Variants in NPM2 observed in about 807,000 individuals in gnomAD.
NPM2 encodes nucleophosmin/nucleoplasmin 2.
Under a neutral mutation model 32.0 loss-of-function variants are expected in NPM2, and 25 were observed. The ratio of observed to expected loss-of-function variants is 0.78; its 90% CI spans 0.57 to 1.09. The LOEUF (loss-of-function observed/expected upper bound fraction) is 1.09. Among genes scored for constraint, NPM2 ranks in the 50% least tolerant of loss-of-function variants. The pLI, the probability that NPM2 is intolerant of heterozygous loss-of-function variation, is 0.00. For missense variants in NPM2, 282 were observed against 259.9 expected (o/e 1.08, Z -0.58); for synonymous variants, 111 against 94.2 (o/e 1.18, Z -1.04).
In NPM2 at chr8:22,034,509, GA is replaced by G. The variant is rs770540772; in HGVS notation, c.539del (p.Lys180SerfsTer9). 3.9e-5 allele frequency: 63 copies of G among 1,607,286 alleles called. No homozygotes were observed. Among genetic ancestry groups the G allele is most frequent in the Non-Finnish European group, 5.1e-5 (60 of 1,176,416 alleles). ...VPQKQASVAK[K>X]KKLEKEEEEI... The stretch of plus-strand genomic sequence containing the variant: ...ATAATACACTGTTTTTTGGTTCCCA[GA>G]AAAAAAAGCTGGAAAAAGAAGAAGA... On this transcript the variant is annotated frameshift_variant and splice_region_variant, in exon 8 of 10. Transcript: ENST00000518119. LOFTEE classifies it high-confidence loss of function.
intron 5 of NPM2, among the ~76,000 whole-genome samples, chr8:22,026,485 C>G (rs1418412177): frequency 9.3e-6 from 1 of 107,838 alleles, no homozygotes; most frequent in Non-Finnish European, 1.7e-5. Flanking sequence ...GATGGAGTTT[C>G]ACTCTGTCAC....
At chr8:22,036,605 A>G in intron 9 of NPM2, 33 bp from the exon 10 acceptor site, 2 of 1,554,348 alleles carry the variant, frequency 1.3e-6, no homozygotes, top group East Asian at 2.4e-5. Context: ...GGAGAAGGGA[A>G]CGGGACCCTG....
Position 22,036,520 on chromosome 8 carries a change from GA to G in NPM2, c.599del (p.Lys200ArgfsTer48). 2 of 1,601,668 alleles carry G rather than the reference GA, an allele frequency of 1.2e-6. No homozygotes were observed. Among genetic ancestry groups the G allele is most frequent in the Non-Finnish European group, 1.7e-6 (2 of 1,174,312 alleles). On this transcript the variant is annotated frameshift_variant, in exon 9 of 10. Coordinates refer to ENST00000518119, the MANE Select transcript of NPM2 (RefSeq NM_001286680.2). LOFTEE classifies it low-confidence loss of function (END_TRUNC). ...RASVRDKSPV[K>X]KAKATARAKK... is the part of the protein sequence containing the mutation. ...CCAGCGTTAGAGACAAGAGCCCTGT[GA>G]AAAAGGTGAGTAGGACCAGAGGGCT... is the stretch of plus-strand genomic sequence containing the variant.
At chr8:22,031,017 C>A (rs747673633) in intron 5 of NPM2, among the ~76,000 whole-genome samples, 18 of 152,116 alleles carry the variant, frequency 1.2e-4, no homozygotes, top group Non-Finnish European at 2.5e-4. Context: ...TTCGATGTGG[C>A]CTGAGTTTGG....
chr8:22,028,485 AT>A (rs34390285), intron 5 of NPM2, among the ~76,000 whole-genome samples: 25 of 139,288 alleles, frequency 1.8e-4, no homozygotes, highest in Admixed American at 2.2e-4. Context: ...TGCCCAGCTG[AT>A]TTTTTTTTTT....
chr8:22,025,575 C>G, intron 4 of NPM2, 54 bp downstream of exon 4: 3 of 1,613,518 alleles, frequency 1.9e-6, no homozygotes, highest in Non-Finnish European at 2.5e-6. Context: ...TTTCTGGTCC[C>G]AACGGAGGGC....
rs747951538 is a variant in NPM2, at chr8:22,025,340, C to T, written c.58+34C>T. On this transcript the variant is annotated intron_variant, in intron 3 of 9. Transcript: ENST00000518119. ...GGACTCAGGCTCCTTCCCAGAGACA[C>T]GCCCCACCTCCGGTGCGCGGCAGCT... 4.4e-6 allele frequency: 7 copies of T among 1,599,960 alleles called. No individual in the cohort carries two copies. In the South Asian group the frequency reaches 7.8e-5, roughly 18 times the overall value.
chr8:22,025,203 G>A lies in NPM2; in HGVS notation c.-33-13G>A. 2.5e-6 allele frequency: 4 copies of A among 1,594,920 alleles called. No individual in the cohort carries two copies. The highest frequency in any genetic ancestry group is 1.3e-5 in the African/African-American group (1 of 74,104). On this transcript the variant is annotated splice_polypyrimidine_tract_variant and intron_variant, in intron 2 of 9. Coordinates refer to ENST00000518119, the MANE Select transcript of NPM2 (RefSeq NM_001286680.2). ...TCAGGGAGCAAGGCCTCACGCGGGC[G>A]CCCTCCTTGCAGCTGCCCGGCCAGC...
In NPM2 at chr8:22,033,217, CG is replaced by C. The variant is rs1008936694; in HGVS notation, c.359del (p.Arg120LeufsTer7). The C allele has an allele frequency of 1.2e-6, 2 of 1,613,568 alleles. No individual in the cohort carries two copies. The highest frequency in any genetic ancestry group is 8.5e-7 in the Non-Finnish European group (1 of 1,179,710). ...SGPVFLSGQE[R>X]YEASDLTWEE... ...ACCCGTGTTCCTCAGTGGCCAGGAA[CG>C]TTATGGTAAGTCAGAGCCTGCGATC... On this transcript the variant is annotated frameshift_variant, in exon 6 of 10. Coordinates refer to ENST00000518119, the MANE Select transcript of NPM2 (RefSeq NM_001286680.2). LOFTEE classifies it high-confidence loss of function.
At position 22,025,194 on chromosome 8, in the gene NPM2, C is replaced by A. The variant is rs1049530326; in HGVS notation, c.-33-22C>A. On this transcript the variant is annotated intron_variant, in intron 2 of 9. Coordinates refer to ENST00000518119, the MANE Select transcript of NPM2 (RefSeq NM_001286680.2). Reference sequence around the variant, plus strand: ...GGGTCAGGGTCAGGGAGCAAGGCCTCACGCGGGCGCCCTCCTTGCAGCTGC... The same window carrying A: ...GGGTCAGGGTCAGGGAGCAAGGCCTAACGCGGGCGCCCTCCTTGCAGCTGC... The A allele has an allele frequency of 6.9e-6, 11 of 1,586,446 alleles. No homozygotes were observed. In the African/African-American group the frequency reaches 1.4e-4, roughly 20 times the overall value.
At chr8:22,034,577 T>G in intron 8 of NPM2, 33 bp downstream of exon 8, 2 of 1,554,000 alleles carry the variant, frequency 1.3e-6, no homozygotes, top group South Asian at 2.2e-5. Context: ...TTAGCCAAAG[T>G]CTCCAGCTGA....
chr8:22,036,104 C>A (rs1380460465), intron 8 of NPM2, among the ~76,000 whole-genome samples: 1 of 151,856 alleles, frequency 6.6e-6, no homozygotes, highest in Admixed American at 6.6e-5. Flanking sequence ...CATTTGTGGG[C>A]CAGGTGTGGT....
intron 5 of NPM2, among the ~76,000 whole-genome samples, chr8:22,028,334 CAAA>C (rs1318602498): frequency 7.0e-6 from 1 of 143,010 alleles, no homozygotes. Context: ...ACACAGCTGC[CAAA>C]AAGATTTTTT....
chr8:22,036,740 G>T lies in NPM2; in HGVS notation c.*58G>T. The T allele has an allele frequency of 4.0e-6, 6 of 1,492,252 alleles. No individual in the cohort carries two copies. Among genetic ancestry groups the T allele is most frequent in the Admixed American group, 2.6e-5 (1 of 38,938 alleles). The allele number at this position is 1,492,252 out of a possible 1,614,324, so 92.4% of individuals were successfully genotyped here. A position where few individuals can be genotyped will look rare whatever the true frequency, so the allele number is the denominator to read the frequency against. ...GGGCCTTCCCTGGGCTGTGCTGCAGGCACAGGGTGCCCCTGTCCAGCCCCT... is the reference window on the plus strand; with the variant it reads ...GGGCCTTCCCTGGGCTGTGCTGCAGTCACAGGGTGCCCCTGTCCAGCCCCT... On this transcript the variant is annotated 3_prime_UTR_variant, in exon 10 of 10. Coordinates refer to ENST00000518119, the MANE Select transcript of NPM2 (RefSeq NM_001286680.2).
intron 8 of NPM2, 77 bp from the exon 9 acceptor site, chr8:22,036,416 G>A (rs1207519928): frequency 4.1e-6 from 6 of 1,469,070 alleles, no homozygotes; most frequent in Admixed American, 2.2e-5. Flanking sequence ...GGCACTGGGA[G>A]GGCCACGCCG....
rs1800638244 is a variant in NPM2, at chr8:22,036,725, T to G, written c.*43T>G. On this transcript the variant is annotated 3_prime_UTR_variant, in exon 10 of 10. Coordinates refer to ENST00000518119, the MANE Select transcript of NPM2 (RefSeq NM_001286680.2). ...GGCACGGTGCAAAGTGGGCCTTCCC[T>G]GGGCTGTGCTGCAGGCACAGGGTGC... is the stretch of plus-strand genomic sequence containing the variant. The G allele has an allele frequency of 6.6e-7, 1 of 1,520,992 alleles. No homozygotes were observed. The highest frequency in any genetic ancestry group is 1.4e-5 in the African/African-American group (1 of 70,996). The allele number at this position is 1,520,992 out of a possible 1,614,324, so 94.2% of individuals were successfully genotyped here.
chr8:22,031,853 CT>C (rs1361774394), intron 5 of NPM2, among the ~76,000 whole-genome samples: 1 of 152,142 alleles, frequency 6.6e-6, no homozygotes, highest in Non-Finnish European at 1.5e-5. Flanking sequence ...TTTCTTTTTT[CT>C]TTTTTTCATT....
rs1456279544 is a variant in NPM2 at position 22,025,694 on chromosome 8, C to A, written c.192C>A (p.Ile64=). Residue 64 remains isoleucine (I), a synonymous_variant, in exon 5 of 10, where the codon ATC becomes ATA. Coordinates refer to ENST00000518119, the MANE Select transcript of NPM2 (RefSeq NM_001286680.2). ...AAGAGGAGATGCATCGCGTGGAGATCCTGCCCCCAGCAAACCAGGAGGACA... is the reference window on the plus strand; with the variant it reads ...AAGAGGAGATGCATCGCGTGGAGATACTGCCCCCAGCAAACCAGGAGGACA... The part of the protein sequence containing the change: ...KAKEEMHRVE[I]LPPANQEDKK... 22 of 1,614,038 alleles carry A rather than the reference C, an allele frequency of 1.4e-5. No homozygotes were observed. Among genetic ancestry groups the A allele is most frequent in the Non-Finnish European group, 1.9e-5 (22 of 1,180,016 alleles).
chr8:22,027,488 A>G (rs1327113751), intron 5 of NPM2, among the ~76,000 whole-genome samples: 1 of 152,198 alleles, frequency 6.6e-6, no homozygotes, highest in Non-Finnish European at 1.5e-5. Flanking sequence ...AAATATCCCA[A>G]ATTTAACATG....
Sources: gnomAD v4.1 joint callset for allele counts (sites outside exome capture counted in the v4.1 genomes callset) on GRCh38, gnomAD v4.1.1 for gene constraint, MANE v1.5 for transcripts, NCBI Gene and HGNC (gene_info 2026-07-23, HGNC 2026-07-21) for gene names.